The following RBFA variants were observed in gnomAD, a reference collection of about 807,000 sequenced individuals.
RBFA encodes ribosome binding factor A.
RBFA carries 16 observed loss-of-function variants against 27.9 expected under a neutral mutation model. The observed-to-expected ratio is 0.57, with a 90% CI of 0.39 to 0.87. The LOEUF (loss-of-function observed/expected upper bound fraction) is 0.87. Ranked by LOEUF, RBFA falls within the 40% of genes least tolerant of loss-of-function variation. The pLI is 0.00. For missense variants in RBFA, 456 were observed against 432.1 expected (o/e 1.06, Z -0.49); for synonymous variants, 181 against 181.0 (o/e 1.00, Z 0.00).
rs547244758 is a variant in RBFA, at chr18:80,047,953, C to A, written c.*1798C>A. Reference sequence around the variant, plus strand: ...GCCTCTTATTCTTCTAGGGGACCATCATGGGCTGAGGTCAGGCCAAGGCCT... The same window carrying A: ...GCCTCTTATTCTTCTAGGGGACCATAATGGGCTGAGGTCAGGCCAAGGCCT... On this transcript the variant is annotated 3_prime_UTR_variant, in exon 7 of 7. Transcript: ENST00000306735. Among the ~76,000 whole-genome samples the A allele has an allele frequency of 6.6e-6, 1 of 152,348 alleles. No individual in the cohort carries two copies. Among genetic ancestry groups the A allele is most frequent in the African/African-American group, 2.4e-5 (1 of 41,590 alleles).
intron 5 of RBFA, among the ~76,000 whole-genome samples, 179 bp from the exon 6 acceptor site, chr18:80,044,033 G>T (rs2052034119): frequency 6.6e-6 from 1 of 152,218 alleles, no homozygotes; most frequent in Non-Finnish European, 1.5e-5. Context: ...TAACAGTAAG[G>T]TATTTGAAAG....
rs1223416982 is a variant in RBFA, at chr18:80,048,940, G to GTGT, written c.*2785_*2786insTGT. ...GCACGTTTGCAGGGGATCCAACCAG[G>GTGT]CGTCTGCTCAGTGCCTCCTAGAAAG... On this transcript the variant is annotated 3_prime_UTR_variant, in exon 7 of 7. Transcript: ENST00000306735. Among the ~76,000 whole-genome samples, 54 of 102,702 alleles carry GTGT rather than the reference G, an allele frequency of 5.3e-4. No homozygotes were observed. The highest frequency in any genetic ancestry group is 1.7e-3 in the African/African-American group (50 of 29,932). The allele number at this position is 102,702 out of a possible 152,430, so 67.4% of individuals were successfully genotyped here.
chr18:80,043,406 G>A (rs894322268), intron 5 of RBFA, among the ~76,000 whole-genome samples: 2 of 152,186 alleles, frequency 1.3e-5, no homozygotes, highest in African/African-American at 4.8e-5. Flanking sequence ...AAAAAGAAAC[G>A]AAGGAGTGAA....
intron 1 of RBFA, chr18:80,035,143 G>A (rs2051968097): frequency 6.4e-6 from 1 of 156,788 alleles, no homozygotes; most frequent in African/African-American, 2.4e-5. Flanking sequence ...GACAGTTTTA[G>A]ACCCTGCAGA....
At chr18:80,037,746 G>A (rs1019407647) in intron 3 of RBFA, among the ~76,000 whole-genome samples, 8 of 152,146 alleles carry the variant, frequency 5.3e-5, no homozygotes, top group African/African-American at 1.7e-4. Context: ...AAACTTAGCC[G>A]GGCATGGTGG....
In RBFA at chr18:80,047,612, C is replaced by A. The variant is rs1032389381; in HGVS notation, c.*1457C>A. Among the ~76,000 whole-genome samples, 1 of 152,098 alleles carries A rather than the reference C, an allele frequency of 6.6e-6. No homozygotes were observed. Among genetic ancestry groups the A allele is most frequent in the African/African-American group, 2.4e-5 (1 of 41,396 alleles). ...CTATATCAGGATGGGGAGGCCACTA[C>A]CTCAGGCCAGTTAAACTAAGAAGAA... On this transcript the variant is annotated 3_prime_UTR_variant, in exon 7 of 7. Transcript: ENST00000306735.
intron 3 of RBFA, 104 bp downstream of exon 3, chr18:80,037,610 CTG>C (rs1204036803): frequency 9.1e-6 from 10 of 1,098,752 alleles, no homozygotes; most frequent in South Asian, 1.6e-5. Flanking sequence ...ACGCTTTAGA[CTG>C]GGCGCGGTGG....
chr18:80,039,808 C>T (rs562529070), intron 4 of RBFA, among the ~76,000 whole-genome samples: 2 of 152,180 alleles, frequency 1.3e-5, no homozygotes, highest in East Asian at 3.8e-4. Flanking sequence ...CAAAACCATA[C>T]GCTGAGAGAT....
At chr18:80,035,840 C>G (rs1183456809) in intron 1 of RBFA, 3 of 152,230 alleles carry the variant, frequency 2.0e-5, no homozygotes, top group African/African-American at 7.2e-5. Flanking sequence ...GTTTCCAGCT[C>G]AGGCCCTTAG....
chr18:80,047,772 C>T lies in RBFA; in HGVS notation c.*1617C>T, dbSNP rs1352083242. On this transcript the variant is annotated 3_prime_UTR_variant, in exon 7 of 7. Coordinates refer to ENST00000306735, the MANE Select transcript of RBFA (RefSeq NM_024805.3). ...ATAAAGGCTGATGCCTCTGTTACACCGTGAGCCAAATGTTTATCTCTAGGG... is the reference window on the plus strand; with the variant it reads ...ATAAAGGCTGATGCCTCTGTTACACTGTGAGCCAAATGTTTATCTCTAGGG... Among the ~76,000 whole-genome samples the T allele has an allele frequency of 2.0e-5, 3 of 152,188 alleles. No individual in the cohort carries two copies. Among genetic ancestry groups the T allele is most frequent in the South Asian group, 2.1e-4 (1 of 4,828 alleles).
intron 4 of RBFA, 27 bp downstream of exon 4, chr18:80,038,644 C>G (rs576875837): frequency 6.5e-7 from 1 of 1,539,608 alleles, no homozygotes; most frequent in African/African-American, 1.4e-5. Context: ...TCTGAATGTA[C>G]TTGCTTTTTG....
At chr18:80,043,889 A>C (rs1206098482) in intron 5 of RBFA, among the ~76,000 whole-genome samples, 1 of 152,274 alleles carries the variant, frequency 6.6e-6, no homozygotes, top group Non-Finnish European at 1.5e-5. Context: ...AAACTACCTT[A>C]GAAACCAGTT....
intron 1 of RBFA, 73 bp downstream of exon 1, chr18:80,034,726 C>T: frequency 1.3e-6 from 2 of 1,573,200 alleles, no homozygotes; most frequent in Non-Finnish European, 1.7e-6. Flanking sequence ...GCGGTGTCCG[C>T]TCATCCGCGT....
intron 1 of RBFA, 136 bp from the exon 2 acceptor site, chr18:80,036,532 T>A (rs993965284): frequency 1.2e-5 from 6 of 501,964 alleles, no homozygotes; most frequent in South Asian, 4.3e-5. Context: ...AATTCTGAAA[T>A]TTTTTAAGAT....
chr18:80,046,032 T>C lies in RBFA; in HGVS notation c.909T>C (p.Asp303=). The C allele has an allele frequency of 6.2e-7, 1 of 1,614,090 alleles. No homozygotes were observed. Among genetic ancestry groups the C allele is most frequent in the Non-Finnish European group, 8.5e-7 (1 of 1,180,034 alleles). The part of the protein sequence containing the change: ...KSYLSGEEVE[D]DLDLVGAPEY... The stretch of plus-strand genomic sequence containing the variant: ...ACCTGTCAGGCGAGGAGGTTGAAGA[T>C]GACCTGGACCTGGTTGGTGCCCCGG... Residue 303 remains aspartate (D), a synonymous_variant, in exon 7 of 7, where the codon GAT becomes GAC. Coordinates refer to ENST00000306735, the MANE Select transcript of RBFA (RefSeq NM_024805.3).
Position 80,036,711 on chromosome 18 carries a change from G to A in RBFA, c.201+1G>A, listed in dbSNP as rs773481862. The A allele has an allele frequency of 2.5e-6, 4 of 1,610,532 alleles. No homozygotes were observed. In the Admixed American group the frequency reaches 6.7e-5, roughly 27 times the overall value. On this transcript the variant is annotated splice_donor_variant, in intron 2 of 6. Coordinates refer to ENST00000306735, the MANE Select transcript of RBFA (RefSeq NM_024805.3). LOFTEE classifies it high-confidence loss of function. ...AAGTCCTTCCTTGGGTTCTCACTCGGTGAGTATAAGCCATGAGCCACTTTA... is the reference window on the plus strand; with the variant it reads ...AAGTCCTTCCTTGGGTTCTCACTCGATGAGTATAAGCCATGAGCCACTTTA...
chr18:80,035,772 A>G (rs986023863), intron 1 of RBFA: 1 of 152,168 alleles, frequency 6.6e-6, no homozygotes. Flanking sequence ...GTATTAATTC[A>G]TTCATATCAC....
rs1231842746 is a variant in RBFA, at chr18:80,034,598, C to G, written c.103C>G (p.His35Asp). The G allele has an allele frequency of 6.2e-7, 1 of 1,609,904 alleles. No individual in the cohort carries two copies. Among genetic ancestry groups the G allele is most frequent in the Non-Finnish European group, 8.5e-7 (1 of 1,179,126 alleles). Residue 35 changes from histidine to aspartate, a missense_variant, in exon 1 of 7, where the codon CAC (histidine) becomes GAC (aspartate). Coordinates refer to ENST00000306735, the MANE Select transcript of RBFA (RefSeq NM_024805.3). The stretch of plus-strand genomic sequence containing the variant: ...ATTTCCAGGCTGCGAGCGGGGACTT[C>G]ACTGCTCTGCTGTCTCCTGCAAGAA... ...ALFPGCERGL[H>D]CSAVSCKNWL... is the part of the protein sequence containing the mutation.
intron 5 of RBFA, among the ~76,000 whole-genome samples, chr18:80,043,782 C>T (rs1198785836): frequency 6.6e-6 from 1 of 152,200 alleles, no homozygotes; most frequent in African/African-American, 2.4e-5. Context: ...AGGCTCCCAG[C>T]ATTGTGACTG....
Sources: gnomAD v4.1 joint callset for allele counts (sites outside exome capture counted in the v4.1 genomes callset) on GRCh38, gnomAD v4.1.1 for gene constraint, MANE v1.5 for transcripts, NCBI Gene and HGNC (gene_info 2026-07-23, HGNC 2026-07-21) for gene names.